Variants in HHIP observed in about 807,000 individuals in gnomAD.
HHIP encodes hedgehog interacting protein.
In HHIP, 12 loss-of-function variants were observed where a neutral mutation model predicts 74.0. The ratio of observed to expected loss-of-function variants is 0.16; its 90% CI spans 0.10 to 0.26. HHIP has a LOEUF of 0.26. Ranked by LOEUF, HHIP falls within the 10% of genes least tolerant of loss-of-function variation. HHIP has a pLI of 1.00. For synonymous variants in HHIP, 309 were observed against 311.6 expected (o/e 0.99, Z 0.09); for missense variants, 788 against 845.0 (o/e 0.93, Z 0.84).
chr4:144,703,313 T>C (rs980711000), intron 4 of HHIP, among the ~76,000 whole-genome samples: 2 of 152,208 alleles, frequency 1.3e-5, no homozygotes, highest in African/African-American at 4.8e-5. Context: ...TAATATGTTT[T>C]TCTCCCTTTT....
rs559877797 is a variant in HHIP at position 144,662,523 on chromosome 4, A to G, written c.831+2685A>G. Among the ~76,000 whole-genome samples, 9 of 152,338 alleles carry G rather than the reference A, an allele frequency of 5.9e-5. No individual in the cohort carries two copies. The South Asian group carries it at 1.9e-3, about 32-fold the overall frequency. ...AACTTCTTTTTGCTATAGAAAAAAA[A>G]GTTGTGGCATTGAGATTAAAGAGTA... On this transcript the variant is annotated intron_variant, in intron 4 of 12. Transcript: ENST00000296575.
chr4:144,741,107 C>T lies in HHIP; in HGVS notation c.*3150C>T, dbSNP rs1256512376. 1.3e-5 allele frequency: 2 copies of T among 149,300 alleles called. No homozygotes were observed. Among genetic ancestry groups the T allele is most frequent in the Non-Finnish European group, 3.0e-5 (2 of 67,564 alleles). The allele number at this position is 149,300 out of a possible 1,614,324, so 9.2% of individuals were successfully genotyped here. On this transcript the variant is annotated 3_prime_UTR_variant, in exon 13 of 13. Transcript: ENST00000296575. ...GTAAGTGCTTCCATCCATAACTTTT[C>T]TTCTTGGATTTTTTTCAATGTAATT...
rs1298772455 is a variant in HHIP at position 144,737,833 on chromosome 4, G to T, written c.1979G>T (p.Gly660Val). ...VRPNKCLCKK[G>V]YLGPQCEQVD... is the part of the protein sequence containing the mutation. Reference sequence around the variant, plus strand: ...CCGAACAAGTGCCTCTGTAAAAAAGGATATCTTGGTCCTCAATGTGAACAA... The same window carrying T: ...CCGAACAAGTGCCTCTGTAAAAAAGTATATCTTGGTCCTCAATGTGAACAA... Residue 660 changes from glycine to valine, a missense_variant, in exon 13 of 13, where the codon GGA becomes GTA. Gly to Val is a moderately radical substitution (Grantham distance 109). This residue lies in a region of HHIP where 343 missense variants were observed against 347.9 expected (regional missense o/e 0.99). Coordinates refer to ENST00000296575, the MANE Select transcript of HHIP (RefSeq NM_022475.3). 6.2e-7 allele frequency: 1 copy of T among 1,613,724 alleles called. No individual in the cohort carries two copies. Among genetic ancestry groups the T allele is most frequent in the East Asian group, 2.2e-5 (1 of 44,884 alleles).
At chr4:144,687,903 CAG>C (rs1193056826) in intron 4 of HHIP, among the ~76,000 whole-genome samples, 2 of 151,798 alleles carry the variant, frequency 1.3e-5, no homozygotes, top group Non-Finnish European at 2.9e-5. Flanking sequence ...CACTGTGTTA[CAG>C]AGTCTTTACA....
chr4:144,651,113 G>A (rs910257590), intron 1 of HHIP, among the ~76,000 whole-genome samples: 1 of 152,102 alleles, frequency 6.6e-6, no homozygotes, highest in Non-Finnish European at 1.5e-5. Context: ...AATAGATCTG[G>A]TGAGGTCTGC....
intron 10 of HHIP, 174 bp downstream of exon 10, chr4:144,715,604 A>G (rs1235033155): frequency 4.5e-6 from 2 of 442,590 alleles, no homozygotes; most frequent in Non-Finnish European, 7.5e-6. Flanking sequence ...ATTCTCTACC[A>G]GTAACTTTTC....
At position 144,707,255 on chromosome 4, in the gene HHIP, G is replaced by A. The variant is rs1239272590; in HGVS notation, c.1152G>A (p.Gly384=). The stretch of plus-strand genomic sequence containing the variant: ...TGGATGATATGGAAGAAATGGATGG[G>A]TTAAGGTAAAAGGCTGATCACAGAT... ...ITLDDMEEMD[G]LSDFTGSVLR... Residue 384 remains glycine, a synonymous_variant, in exon 6 of 13, where the codon GGG becomes GGA. Transcript: ENST00000296575. 5 of 1,605,712 alleles carry A rather than the reference G, an allele frequency of 3.1e-6. No individual in the cohort carries two copies. The highest frequency in any genetic ancestry group is 1.7e-5 in the Admixed American group (1 of 58,712).
intron 4 of HHIP, among the ~76,000 whole-genome samples, chr4:144,686,584 T>C (rs1729492558): frequency 6.6e-6 from 1 of 152,080 alleles, no homozygotes; most frequent in Non-Finnish European, 1.5e-5. Flanking sequence ...AAATAGGAAA[T>C]GTTACTAAAA....
chr4:144,731,164 C>A (rs1297569884), intron 11 of HHIP, among the ~76,000 whole-genome samples: 2 of 152,072 alleles, frequency 1.3e-5, no homozygotes, highest in Non-Finnish European at 2.9e-5. Context: ...ATATCCCTCC[C>A]CTGAATGGCC....
rs139951678 is a variant in HHIP at position 144,681,421 on chromosome 4, CTTTT to C, written c.831+21602_831+21605del. The stretch of plus-strand genomic sequence containing the variant: ...CAAAAGTCTATCGGATTGCAGAGTT[CTTTT>C]TTTTTTTTTTTTTTTTTTGAGACAG... On this transcript the variant is annotated intron_variant, in intron 4 of 12. Coordinates refer to ENST00000296575, the MANE Select transcript of HHIP (RefSeq NM_022475.3). Among the ~76,000 whole-genome samples, 8 of 101,412 alleles carry C rather than the reference CTTTT, an allele frequency of 7.9e-5. No homozygotes were observed. In the East Asian group the frequency reaches 1.2e-3, roughly 15 times the overall value. The allele number at this position is 101,412 out of a possible 152,430, so 66.5% of individuals were successfully genotyped here.
At chr4:144,719,163 T>C (rs1302177073) in intron 11 of HHIP, among the ~76,000 whole-genome samples, 1 of 152,208 alleles carries the variant, frequency 6.6e-6, no homozygotes, top group Non-Finnish European at 1.5e-5. Context: ...AAAAGCTCAT[T>C]CATGTCGTCC....
chr4:144,658,261 A>G (rs568744595), intron 2 of HHIP, among the ~76,000 whole-genome samples: 57 of 152,272 alleles, frequency 3.7e-4, no homozygotes, highest in Middle Eastern at 6.8e-3. Flanking sequence ...ACTCAACACA[A>G]TATTATTTCA....
intron 4 of HHIP, among the ~76,000 whole-genome samples, chr4:144,686,513 G>A (rs1296664728): frequency 6.6e-6 from 1 of 152,058 alleles, no homozygotes; most frequent in Non-Finnish European, 1.5e-5. Flanking sequence ...TTGAAATTGG[G>A]ATGGAGAACA....
At position 144,737,835 on chromosome 4, in the gene HHIP, T is replaced by C; in HGVS notation, c.1981T>C (p.Tyr661His). ...RPNKCLCKKG[Y>H]LGPQCEQVDR... ...GAACAAGTGCCTCTGTAAAAAAGGA[T>C]ATCTTGGTCCTCAATGTGAACAAGT... The change falls in exon 13 of 13, where the codon TAT becomes CAT. Residue 661 changes from tyrosine (Y) to histidine (H), a missense_variant. By Grantham distance (83) the Tyr-to-His change is moderately conservative. Around this residue, in one of 3 missense-constraint regions of HHIP, gnomAD observed 343 missense variants for 347.9 expected, o/e 0.99. Coordinates refer to ENST00000296575, the MANE Select transcript of HHIP (RefSeq NM_022475.3). The C allele has an allele frequency of 6.2e-7, 1 of 1,613,940 alleles. No homozygotes were observed.
At chr4:144,657,363 A>C (rs1322195422) in intron 2 of HHIP, among the ~76,000 whole-genome samples, 2 of 152,144 alleles carry the variant, frequency 1.3e-5, no homozygotes, top group Non-Finnish European at 2.9e-5. Context: ...CAACTTCTAA[A>C]TTTCTACTGA....
chr4:144,682,102 G>A (rs1370388230), intron 4 of HHIP, among the ~76,000 whole-genome samples: 2 of 152,290 alleles, frequency 1.3e-5, no homozygotes, highest in African/African-American at 2.4e-5. Context: ...TTCCCAGAAC[G>A]TTCATGTTTC....
chr4:144,661,590 C>T (rs1465993832), intron 4 of HHIP, among the ~76,000 whole-genome samples: 1 of 152,056 alleles, frequency 6.6e-6, no homozygotes, highest in Non-Finnish European at 1.5e-5. Context: ...CTGCACATGG[C>T]CTTTATCTCA....
chr4:144,672,070 A>G (rs1165963920), intron 4 of HHIP, among the ~76,000 whole-genome samples: 8 of 152,198 alleles, frequency 5.3e-5, no homozygotes, highest in African/African-American at 9.7e-5. Context: ...AGTAGTGCAA[A>G]TCTCCAAGAG....
At position 144,743,989 on chromosome 4, in the gene HHIP, G is replaced by C. The variant is rs1731326508; in HGVS notation, c.*6032G>C. ...ACAAATTAAGATTTCATGTACAATA[G>C]AGTCCCTTTCCTAATACTGTTATGA... On this transcript the variant is annotated 3_prime_UTR_variant, in exon 13 of 13. Coordinates refer to ENST00000296575, the MANE Select transcript of HHIP (RefSeq NM_022475.3). 1 of 152,030 alleles carries C rather than the reference G, an allele frequency of 6.6e-6. No homozygotes were observed. Among genetic ancestry groups the C allele is most frequent in the African/African-American group, 2.4e-5 (1 of 41,422 alleles). The allele number at this position is 152,030 out of a possible 1,614,324, so 9.4% of individuals were successfully genotyped here.
Sources: gnomAD v4.1 joint callset for allele counts (sites outside exome capture counted in the v4.1 genomes callset) on GRCh38, gnomAD v4.1.1 for gene constraint, gnomAD v4.1.1 regional missense constraint, MANE v1.5 for transcripts, NCBI Gene and HGNC (gene_info 2026-07-23, HGNC 2026-07-21) for gene names.